Variants in PCDHA10 observed in about 807,000 individuals in gnomAD.
PCDHA10 encodes protocadherin alpha-10.
In PCDHA10, 45 loss-of-function variants were observed where a neutral mutation model predicts 61.2. The observed-to-expected ratio is 0.74, with a 90% CI of 0.58 to 0.94. The LOEUF (loss-of-function observed/expected upper bound fraction) is 0.94. Ranked by LOEUF, PCDHA10 falls within the 40% of genes least tolerant of loss-of-function variation. The probability of loss-of-function intolerance (pLI) is 0.00; values close to 1 mark genes in which losing one functional copy is unlikely to be tolerated. For synonymous variants in PCDHA10, 602 were observed against 548.8 expected (o/e 1.10, Z -1.35); for missense variants, 1,278 against 1,236.2 (o/e 1.03, Z -0.51).
chr5:140,967,034 C>T (rs782810130), intron 1 of PCDHA10: 9 of 1,610,726 alleles, frequency 5.6e-6, no homozygotes, highest in Non-Finnish European at 2.5e-6. Flanking sequence ...TCCGCGCTAC[C>T]TGGAGCTGGA....
In PCDHA10 at chr5:141,011,084, C is replaced by T. The variant is rs928216799; in HGVS notation, c.*1147C>T. 1.3e-5 allele frequency: 2 copies of T among 153,722 alleles called. No homozygotes were observed. The highest frequency in any genetic ancestry group is 6.5e-5 in the Admixed American group (1 of 15,272). The allele number at this position is 153,722 out of a possible 1,614,324, so 9.5% of individuals were successfully genotyped here. A position where few individuals can be genotyped will look rare whatever the true frequency, so the allele number is the denominator to read the frequency against. ...CATGTATTACTAAATAAAATGATCT[C>T]TCTTTCTCTCTCTCTCTCTCTTTTC... On this transcript the variant is annotated 3_prime_UTR_variant, in exon 4 of 4. Coordinates refer to ENST00000307360, the MANE Select transcript of PCDHA10 (RefSeq NM_018901.4).
chr5:140,951,667 C>A (rs180768474), intron 1 of PCDHA10, among the ~76,000 whole-genome samples: 10 of 152,274 alleles, frequency 6.6e-5, no homozygotes, highest in African/African-American at 2.4e-4. Context: ...GGCCTGCCTA[C>A]AAAATTGGGG....
intron 1 of PCDHA10, among the ~76,000 whole-genome samples, chr5:140,958,944 T>G (rs199974895): frequency 1.0e-5 from 1 of 100,018 alleles, no homozygotes; most frequent in African/African-American, 4.8e-5. Context: ...TGTAATAATA[T>G]TATATTATTA....
At chr5:141,008,382 A>G (rs1458485740) in intron 3 of PCDHA10, among the ~76,000 whole-genome samples, 1 of 152,166 alleles carries the variant, frequency 6.6e-6, no homozygotes, top group African/African-American at 2.4e-5. Flanking sequence ...ATACATAAAC[A>G]TTGCTATGAT....
At chr5:140,884,469 C>A in intron 1 of PCDHA10, 1 of 1,613,766 alleles carries the variant, frequency 6.2e-7, no homozygotes, top group Non-Finnish European at 8.5e-7. Flanking sequence ...GCGTGCGCGC[C>A]GGGCAAGCCC....
chr5:140,902,859 A>G (rs964505072), intron 1 of PCDHA10, among the ~76,000 whole-genome samples: 18 of 152,208 alleles, frequency 1.2e-4, no homozygotes, highest in African/African-American at 4.3e-4. Context: ...AATGGCGTCC[A>G]GGTCCACCCA....
At chr5:140,963,615 T>A (rs2095780964) in intron 1 of PCDHA10, among the ~76,000 whole-genome samples, 1 of 152,248 alleles carries the variant, frequency 6.6e-6, no homozygotes, top group African/African-American at 2.4e-5. Context: ...TGGGAAAGCT[T>A]AACTTTGTTG....
chr5:140,915,771 G>T (rs1351294387), intron 1 of PCDHA10, among the ~76,000 whole-genome samples: 1 of 151,922 alleles, frequency 6.6e-6, no homozygotes, highest in Non-Finnish European at 1.5e-5. Flanking sequence ...TCTTGTCCAA[G>T]GCCTGCTGTA....
chr5:140,871,492 C>G (rs782396000), intron 1 of PCDHA10: 1 of 1,589,508 alleles, frequency 6.3e-7, no homozygotes, highest in Admixed American at 1.8e-5. Context: ...TCACCCCGGA[C>G]AGGTGAGTTT....
At chr5:140,914,596 C>G (rs1454753124) in intron 1 of PCDHA10, among the ~76,000 whole-genome samples, 1 of 152,128 alleles carries the variant, frequency 6.6e-6, no homozygotes, top group Non-Finnish European at 1.5e-5. Context: ...TAAGTAGGAA[C>G]TTCCTCCTGC....
intron 3 of PCDHA10, among the ~76,000 whole-genome samples, chr5:141,003,100 T>TTCACAATC (rs1311391173): frequency 6.6e-6 from 1 of 152,240 alleles, no homozygotes; most frequent in African/African-American, 2.4e-5. Flanking sequence ...TGGCATTTGC[T>TTCACAATC]TCACAATCTT....
At chr5:140,961,248 G>A (rs144956279) in intron 1 of PCDHA10, among the ~76,000 whole-genome samples, 129 of 152,276 alleles carry the variant, frequency 8.5e-4, no homozygotes, top group African/African-American at 1.8e-3. Flanking sequence ...GAATTTATCC[G>A]AAGCTCCAGG....
At chr5:140,954,396 C>T (rs894225724) in intron 1 of PCDHA10, among the ~76,000 whole-genome samples, 3 of 152,176 alleles carry the variant, frequency 2.0e-5, no homozygotes, top group Admixed American at 1.3e-4. Context: ...TTTACAACCC[C>T]ACCAACAGGG....
chr5:140,932,583 G>A (rs1007147257), intron 1 of PCDHA10, among the ~76,000 whole-genome samples: 29 of 151,810 alleles, frequency 1.9e-4, no homozygotes, highest in Admixed American at 1.8e-3. Flanking sequence ...AGGGTAATTA[G>A]ATGTTTTGTA....
At chr5:140,997,420 G>A (rs1300822693) in intron 3 of PCDHA10, among the ~76,000 whole-genome samples, 4 of 152,042 alleles carry the variant, frequency 2.6e-5, no homozygotes, top group African/African-American at 9.7e-5. Flanking sequence ...TTTCTCCTAG[G>A]CTACAAACCT....
chr5:140,960,993 A>G (rs1053601284), intron 1 of PCDHA10, among the ~76,000 whole-genome samples: 1 of 152,140 alleles, frequency 6.6e-6, no homozygotes, highest in Non-Finnish European at 1.5e-5. Context: ...AAAATGCTCA[A>G]TTTGCTGCTG....
chr5:140,999,786 G>A (rs1050666056), intron 3 of PCDHA10, among the ~76,000 whole-genome samples: 4 of 152,120 alleles, frequency 2.6e-5, no homozygotes, highest in African/African-American at 9.7e-5. Flanking sequence ...CCTAGAAATG[G>A]CAGAGTTATT....
intron 1 of PCDHA10, chr5:140,927,514 G>T: frequency 6.2e-7 from 1 of 1,614,056 alleles, no homozygotes; most frequent in Non-Finnish European, 8.5e-7. Flanking sequence ...AGCTCGGGAC[G>T]GCGGGCTACC....
chr5:140,985,298 C>T (rs770798262), intron 3 of PCDHA10, among the ~76,000 whole-genome samples: 1 of 152,124 alleles, frequency 6.6e-6, no homozygotes, highest in Non-Finnish European at 1.5e-5. Context: ...ATAGTGTTGG[C>T]TGATAGCCTG....
Sources: allele counts gnomAD v4.1 joint callset (sites outside exome capture counted in the v4.1 genomes callset), GRCh38; gene constraint gnomAD v4.1.1; transcripts MANE v1.5; gene names NCBI Gene and HGNC (gene_info 2026-07-23, HGNC 2026-07-21).